Variants in DSCAML1 observed in about 807,000 individuals in gnomAD.
DSCAML1 encodes DS cell adhesion molecule like 1.
A neutral mutation model predicts 200.5 loss-of-function variants in DSCAML1; 38 were observed. The observed-to-expected ratio is 0.19, with a 90% CI of 0.15 to 0.25. DSCAML1 has a LOEUF of 0.25. Ranked by LOEUF, DSCAML1 falls within the 10% of genes least tolerant of loss-of-function variation. The pLI is 1.00. For synonymous variants in DSCAML1, 1,215 were observed against 1,165.0 expected (o/e 1.04, Z -0.87); for missense variants, 2,223 against 2,858.8 (o/e 0.78, Z 5.07).
chr11:117,626,813 G>C (rs980393443), intron 3 of DSCAML1, among the ~76,000 whole-genome samples: 2 of 152,180 alleles, frequency 1.3e-5, no homozygotes, highest in African/African-American at 4.8e-5. Flanking sequence ...CCTGGGACAA[G>C]ACTCAGAGGG....
At chr11:117,720,761 G>C (rs975867070) in intron 3 of DSCAML1, among the ~76,000 whole-genome samples, 5 of 152,374 alleles carry the variant, frequency 3.3e-5, no homozygotes, top group East Asian at 1.9e-4. Flanking sequence ...GGCTTGAGCA[G>C]GGTGTGTGAG....
At chr11:117,739,110 G>T (rs1467593930) in intron 3 of DSCAML1, among the ~76,000 whole-genome samples, 1 of 152,164 alleles carries the variant, frequency 6.6e-6, no homozygotes, top group African/African-American at 2.4e-5. Context: ...AAAAGCAAAG[G>T]TTTCCATTGC....
At chr11:117,525,754 C>G (rs1323515887) in intron 4 of DSCAML1, among the ~76,000 whole-genome samples, 2 of 152,200 alleles carry the variant, frequency 1.3e-5, no homozygotes, top group African/African-American at 2.4e-5. Context: ...GCCACCATAC[C>G]TAGCTCTGTC....
intron 28 of DSCAML1, 84 bp downstream of exon 28, chr11:117,433,357 T>C: frequency 1.3e-6 from 2 of 1,584,550 alleles, no homozygotes; most frequent in Non-Finnish European, 1.7e-6. Context: ...CCTCCTATTC[T>C]GGGAGTTCAG....
intron 3 of DSCAML1, among the ~76,000 whole-genome samples, chr11:117,573,048 G>T (rs1277511417): frequency 3.3e-5 from 5 of 152,194 alleles, no homozygotes; most frequent in African/African-American, 1.2e-4. Context: ...CTGTGAGAGA[G>T]CTATTGTTTT....
chr11:117,429,704 T>C (rs1224245468), intron 32 of DSCAML1, among the ~76,000 whole-genome samples: 2 of 152,210 alleles, frequency 1.3e-5, no homozygotes, highest in African/African-American at 4.8e-5. Flanking sequence ...TGCCTCCATG[T>C]GACTTGCTTC....
chr11:117,800,897 G>A (rs190996544), upstream of DSCAML1: 1 of 152,140 alleles, frequency 6.6e-6, no homozygotes, highest in Non-Finnish European at 1.5e-5. Context: ...TATATATTTT[G>A]GATACTTTTC....
At chr11:117,697,126 A>G (rs2053598713) in intron 3 of DSCAML1, among the ~76,000 whole-genome samples, 1 of 152,200 alleles carries the variant, frequency 6.6e-6, no homozygotes, top group Non-Finnish European at 1.5e-5. Context: ...CAGAGGGGTT[A>G]GATCACCTGT....
chr11:117,455,313 G>A (rs539836417), intron 19 of DSCAML1, among the ~76,000 whole-genome samples: 31 of 152,158 alleles, frequency 2.0e-4, no homozygotes, highest in Non-Finnish European at 3.4e-4. Flanking sequence ...TGCCTTAACA[G>A]GTTCTAACCA....
Position 117,461,538 on chromosome 11 carries a change from G to T in DSCAML1, c.3324C>A (p.Val1108=), listed in dbSNP as rs148707112. Residue 1108 remains valine (V), a synonymous_variant, in exon 18 of 33, where the codon GTC becomes GTA. Transcript: ENST00000651296. ...TGCGCGGGGGCTCTGACCAGGAGAT[G>T]ACGGCCACGTCAGAAGTGATGGACA... ...RALSITSDVA[V]ISWSEPPRST... is the part of the protein sequence containing the mutation. The T allele has an allele frequency of 6.2e-7, 1 of 1,614,030 alleles. No individual in the cohort carries two copies. The highest frequency in any genetic ancestry group is 1.3e-5 in the African/African-American group (1 of 74,948).
chr11:117,526,130 G>A (rs995372771), intron 4 of DSCAML1, among the ~76,000 whole-genome samples: 2 of 152,202 alleles, frequency 1.3e-5, no homozygotes, highest in African/African-American at 4.8e-5. Context: ...GCCCTCTCAG[G>A]CTCGTTCCCA....
rs927137017 is a variant in DSCAML1, at chr11:117,480,264, C to T, written c.2785+179G>A. Among the ~76,000 whole-genome samples, 2 of 152,226 alleles carry T rather than the reference C, an allele frequency of 1.3e-5. No homozygotes were observed. The highest frequency in any genetic ancestry group is 2.1e-4 in the South Asian group (1 of 4,828). ...CCATCTTCCACCCGGACTCCTAGCC[C>T]GGCCAGTGTCCCTCCCTTCAGAAGC... On this transcript the variant is annotated intron_variant, in intron 14 of 32. Coordinates refer to ENST00000651296, the MANE Select transcript of DSCAML1 (RefSeq NM_020693.4). This position sits in a 1 kb window ranked among gnomAD's most constrained non-coding sequence, Gnocchi z 4.1.
At chr11:117,519,324 AAGT>A (rs2049844147) in intron 6 of DSCAML1, among the ~76,000 whole-genome samples, 1 of 152,162 alleles carries the variant, frequency 6.6e-6, no homozygotes, top group Admixed American at 6.5e-5. Flanking sequence ...ACAAGGCCTT[AAGT>A]CTGAGGCTGA....
At position 117,489,996 on chromosome 11, in the gene DSCAML1, C is replaced by T. The variant is rs554828953; in HGVS notation, c.2360-7834G>A. On this transcript the variant is annotated intron_variant, in intron 11 of 32. Coordinates refer to ENST00000651296, the MANE Select transcript of DSCAML1 (RefSeq NM_020693.4). The surrounding 1 kb of genome is among the most constrained non-coding windows in gnomAD (Gnocchi z 4.8). ...CCACACTTAGGCTCACTCAGGGGAG[C>T]GGGGAGCCTTGCTGGGCCACTGGGG... Among the ~76,000 whole-genome samples the T allele has an allele frequency of 1.4e-3, 209 of 152,298 alleles. No homozygotes were observed. The highest frequency in any genetic ancestry group is 1.9e-3 in the Non-Finnish European group (131 of 68,008).
At chr11:117,521,049 A>G in intron 6 of DSCAML1, 81 bp downstream of exon 6, 1 of 1,554,602 alleles carries the variant, frequency 6.4e-7, no homozygotes, top group Non-Finnish European at 8.7e-7. Context: ...GCCTCCTGGC[A>G]TTGCTCCCAC....
chr11:117,791,707 ACT>A (rs1162742371), intron 1 of DSCAML1, among the ~76,000 whole-genome samples: 1 of 152,036 alleles, frequency 6.6e-6, no homozygotes, highest in African/African-American at 2.4e-5. Flanking sequence ...CCTGGCCACT[ACT>A]CTGTCTTTCT....
At chr11:117,460,605 A>G (rs1323599116) in intron 18 of DSCAML1, among the ~76,000 whole-genome samples, 1 of 152,170 alleles carries the variant, frequency 6.6e-6, no homozygotes, top group Non-Finnish European at 1.5e-5. Context: ...ACAAGTCTCC[A>G]GGTCACGTGA....
Position 117,480,531 on chromosome 11 carries a change from C to A in DSCAML1, c.2697G>T (p.Lys899Asn). 1 of 1,586,762 alleles carries A rather than the reference C, an allele frequency of 6.3e-7. No individual in the cohort carries two copies. Among genetic ancestry groups the A allele is most frequent in the Admixed American group, 1.8e-5 (1 of 55,682 alleles). Residue 899 changes from lysine (K) to asparagine (N), a missense_variant, in exon 14 of 33, where the codon AAG becomes AAT. Coordinates refer to ENST00000651296, the MANE Select transcript of DSCAML1 (RefSeq NM_020693.4). The surrounding 1 kb of genome is among the most constrained non-coding windows in gnomAD (Gnocchi z 4.1). ...TCCAGCGCAGGTTCATGCTCCGGGCCTTCACCTCCCGGATCTCCAGCTCTG... is the reference window on the plus strand; with the variant it reads ...TCCAGCGCAGGTTCATGCTCCGGGCATTCACCTCCCGGATCTCCAGCTCTG... ...DPPELEIREV[K>N]ARSMNLRWTQ...
chr11:117,504,620 G>T lies in DSCAML1; in HGVS notation c.2182+304C>A, dbSNP rs1465908462. On this transcript the variant is annotated intron_variant, in intron 10 of 32. Coordinates refer to ENST00000651296, the MANE Select transcript of DSCAML1 (RefSeq NM_020693.4). This position sits in a 1 kb window ranked among gnomAD's most constrained non-coding sequence, Gnocchi z 5.0. The stretch of plus-strand genomic sequence containing the variant: ...TTGAGGCTCTGGGGCCCCAGGGGAG[G>T]GTGCGGTAGGGAAAGCAGGCATACA... Among the ~76,000 whole-genome samples, 1 of 152,182 alleles carries T rather than the reference G, an allele frequency of 6.6e-6. No homozygotes were observed. Among genetic ancestry groups the T allele is most frequent in the East Asian group, 1.9e-4 (1 of 5,192 alleles).
Sources: allele counts gnomAD v4.1 joint callset (sites outside exome capture counted in the v4.1 genomes callset), GRCh38; gene constraint gnomAD v4.1.1; non-coding constraint Gnocchi (gnomAD v3.1); transcripts MANE v1.5; gene names NCBI Gene and HGNC (gene_info 2026-07-23, HGNC 2026-07-21).